NAV2: variants seen among roughly 807,000 people sequenced by gnomAD.
NAV2 encodes the protein neuron navigator 2, also known as helicase, APC down-regulated 1.
NAV2 carries 54 observed loss-of-function variants against 223.2 expected under a neutral mutation model. That is an observed-to-expected ratio of 0.24 (90% CI 0.19 to 0.30). The LOEUF is 0.30. Among genes scored for constraint, NAV2 ranks in the 10% least tolerant of loss-of-function variants. The pLI, the probability that NAV2 is intolerant of heterozygous loss-of-function variation, is 1.00. For synonymous variants in NAV2, 1,279 were observed against 1,239.3 expected, an observed-to-expected ratio of 1.03 and a Z score of -0.67; for missense variants, 2,806 against 3,147.5, an observed-to-expected ratio of 0.89 and a Z score of 2.60.
chr11:19,636,664 G>T (rs991678246), intron 1 of NAV2, among the ~76,000 whole-genome samples: 1 of 152,138 alleles, frequency 6.6e-6, no homozygotes, highest in South Asian at 2.1e-4. Context: ...TAGAGACGGG[G>T]TTTCACCATG....
chr11:20,026,701 G>A (rs927058241), intron 11 of NAV2, among the ~76,000 whole-genome samples: 17 of 152,162 alleles, frequency 1.1e-4, no homozygotes, highest in Admixed American at 8.5e-4. Context: ...CATGACGAGC[G>A]TTCATTAAAA....
intron 1 of NAV2, among the ~76,000 whole-genome samples, chr11:19,631,156 G>A (rs2047335256): frequency 6.7e-6 from 1 of 149,214 alleles, no homozygotes. Context: ...TGCACAATGT[G>A]CAGGTTAGTT....
At chr11:19,505,291 C>G (rs1265048643) in intron 1 of NAV2, 2 of 152,192 alleles carry the variant, frequency 1.3e-5, no homozygotes, top group Non-Finnish European at 2.9e-5. Context: ...TTTCTCTCTG[C>G]ATATTGGTGG....
At chr11:19,628,781 G>T (rs2047251930) in intron 1 of NAV2, among the ~76,000 whole-genome samples, 1 of 152,092 alleles carries the variant, frequency 6.6e-6, no homozygotes, top group South Asian at 2.1e-4. Flanking sequence ...TATACTCAAA[G>T]AACCAGGTAC....
intron 1 of NAV2, among the ~76,000 whole-genome samples, chr11:19,775,402 C>T (rs1157353022): frequency 6.6e-6 from 1 of 152,168 alleles, no homozygotes; most frequent in African/African-American, 2.4e-5. Flanking sequence ...GATCTGCTGC[C>T]TGGGTCTGGC....
At chr11:19,912,956 A>G (rs886127126) in intron 6 of NAV2, among the ~76,000 whole-genome samples, 4 of 152,162 alleles carry the variant, frequency 2.6e-5, no homozygotes, top group Non-Finnish European at 5.9e-5. Context: ...TCCTCCTAAT[A>G]AACTGATATC....
intron 1 of NAV2, among the ~76,000 whole-genome samples, chr11:19,585,803 G>A (rs187211396): frequency 6.6e-6 from 1 of 152,274 alleles, no homozygotes; most frequent in Admixed American, 6.5e-5. Context: ...CTCTCTGGCT[G>A]CCCGTAACAT....
intron 19 of NAV2, among the ~76,000 whole-genome samples, chr11:20,057,145 T>C (rs528854097): frequency 1.3e-5 from 2 of 151,932 alleles, no homozygotes. Flanking sequence ...CCGGTCCCCA[T>C]ATGAGTAGGG....
At chr11:19,910,718 C>T (rs60001256) in intron 6 of NAV2, among the ~76,000 whole-genome samples, 3,369 of 152,088 alleles carry the variant, frequency 0.022, 140 homozygotes, top group African/African-American at 0.074. Flanking sequence ...ATTAGCCAGG[C>T]GTGGTGGTAT....
chr11:19,886,483 A>G (rs2040988014), intron 5 of NAV2, among the ~76,000 whole-genome samples: 1 of 152,224 alleles, frequency 6.6e-6, no homozygotes, highest in South Asian at 2.1e-4. Flanking sequence ...GCTTTCCCTA[A>G]CAACACCAGG....
intron 1 of NAV2, among the ~76,000 whole-genome samples, chr11:19,582,681 T>G (rs887510942): frequency 2.0e-5 from 3 of 151,730 alleles, no homozygotes; most frequent in Admixed American, 2.0e-4. Context: ...GTTGTAGATA[T>G]GTGGCATTAT....
At chr11:19,519,315 C>G (rs955132901) in intron 1 of NAV2, among the ~76,000 whole-genome samples, 3 of 152,090 alleles carry the variant, frequency 2.0e-5, no homozygotes, top group Non-Finnish European at 4.4e-5. Context: ...GTTCTGCCTT[C>G]ATGCAGCATG....
At chr11:19,495,490 C>G (rs1193923710) in intron 1 of NAV2, among the ~76,000 whole-genome samples, 6 of 152,180 alleles carry the variant, frequency 3.9e-5, no homozygotes, top group Non-Finnish European at 7.4e-5. Context: ...TGGTGACATA[C>G]AGCTTACTTA....
intron 10 of NAV2, among the ~76,000 whole-genome samples, chr11:19,959,076 A>C (rs1029479972): frequency 6.6e-6 from 1 of 152,150 alleles, no homozygotes; most frequent in Non-Finnish European, 1.5e-5. Flanking sequence ...CCTGTGTTGT[A>C]ACTGCTGGGA....
intron 26 of NAV2, 116 bp from the exon 27 acceptor site, chr11:20,090,749 C>T: frequency 9.4e-7 from 1 of 1,060,406 alleles, no homozygotes; most frequent in South Asian, 1.8e-5. Flanking sequence ...ACAGGAAGCA[C>T]CAGGCAGCTG....
At chr11:19,512,446 G>A (rs1429676113) in intron 1 of NAV2, among the ~76,000 whole-genome samples, 1 of 152,200 alleles carries the variant, frequency 6.6e-6, no homozygotes, top group Non-Finnish European at 1.5e-5. Context: ...TGGCCCATGT[G>A]TCTGGGGAGA....
intron 6 of NAV2, among the ~76,000 whole-genome samples, chr11:19,914,445 T>C (rs2043602408): frequency 1.3e-5 from 2 of 152,236 alleles, no homozygotes; most frequent in Non-Finnish European, 2.9e-5. Flanking sequence ...ATACAGGCTT[T>C]GGGCATTGTG....
chr11:19,375,533 C>T (rs1418320380), intron 1 of NAV2, among the ~76,000 whole-genome samples: 1 of 152,204 alleles, frequency 6.6e-6, no homozygotes, highest in Non-Finnish European at 1.5e-5. Flanking sequence ...TACTGGTCTC[C>T]CAGCCTCTCC....
intron 5 of NAV2, chr11:19,884,192 C>T: frequency 1.2e-6 from 1 of 808,758 alleles, no homozygotes; most frequent in Non-Finnish European, 2.0e-6. Context: ...GGGAAAGAAA[C>T]AGCAACATCC....
Sources: gnomAD v4.1 joint callset for allele counts (sites outside exome capture counted in the v4.1 genomes callset) on GRCh38, gnomAD v4.1.1 for gene constraint, MANE v1.5 for transcripts, NCBI Gene and HGNC (gene_info 2026-07-23, HGNC 2026-07-21) for gene names.